DNAH7: variants seen among roughly 807,000 people sequenced by gnomAD.
DNAH7 encodes dynein axonemal heavy chain 7.
A neutral mutation model predicts 444.6 loss-of-function variants in DNAH7; 397 were observed. The observed-to-expected ratio is 0.89, with a 90% CI of 0.82 to 0.97. The LOEUF is 0.97. Ranked by LOEUF, DNAH7 falls within the 50% of genes least tolerant of loss-of-function variation. The pLI is 0.00. For missense variants in DNAH7, 4,902 were observed against 4,800.8 expected (o/e 1.02, Z -0.62); for synonymous variants, 1,636 against 1,624.4 (o/e 1.01, Z -0.17).
intron 5 of DNAH7, among the ~76,000 whole-genome samples, chr2:196,044,739 T>A (rs1052307041): frequency 6.6e-6 from 1 of 152,068 alleles, no homozygotes; most frequent in South Asian, 2.1e-4. Flanking sequence ...TTTATAGACA[T>A]GAATATCTGG....
At chr2:195,913,402 C>T (rs146656084) in intron 24 of DNAH7, among the ~76,000 whole-genome samples, 4 of 152,146 alleles carry the variant, frequency 2.6e-5, no homozygotes, top group African/African-American at 9.6e-5. Flanking sequence ...TATCATATCC[C>T]ACGTTATATC....
chr2:195,969,883 C>G, intron 17 of DNAH7, 65 bp downstream of exon 17: 1 of 1,512,696 alleles, frequency 6.6e-7, no homozygotes, highest in Non-Finnish European at 9.0e-7. Context: ...AGGTGAATAA[C>G]TAAAACGAAT....
At chr2:195,849,542 T>C (rs2125028129) in intron 46 of DNAH7, among the ~76,000 whole-genome samples, 1 of 152,304 alleles carries the variant, frequency 6.6e-6, no homozygotes, top group East Asian at 1.9e-4. Flanking sequence ...GAGGGACAGA[T>C]AGCATTTCCA....
intron 19 of DNAH7, 85 bp downstream of exon 19, chr2:195,957,176 C>T (rs768176423): frequency 2.9e-5 from 34 of 1,177,336 alleles, no homozygotes; most frequent in Non-Finnish European, 3.8e-5. Flanking sequence ...TTATTGGAAA[C>T]AATAATGGCT....
intron 29 of DNAH7, among the ~76,000 whole-genome samples, chr2:195,895,550 C>T (rs1213935595): frequency 1.3e-5 from 2 of 152,168 alleles, no homozygotes; most frequent in Admixed American, 1.3e-4. Flanking sequence ...AGCCATCCCC[C>T]ACGTCAGCCT....
At chr2:195,891,920 T>C in intron 30 of DNAH7, 116 bp from the exon 31 acceptor site, 1 of 805,370 alleles carries the variant, frequency 1.2e-6, no homozygotes, top group Non-Finnish European at 1.8e-6. Context: ...TTAGAAGTAG[T>C]GAATTTGACA....
chr2:195,853,625 T>C (rs963232721), intron 45 of DNAH7, 97 bp from the exon 46 acceptor site: 30 of 1,244,530 alleles, frequency 2.4e-5, no homozygotes, highest in Admixed American at 2.9e-5. Flanking sequence ...TTATTTTTAA[T>C]GACAGACTTC....
At chr2:195,867,499 T>TTCACAAAGTTGTGCAACCA (rs1700413327) in intron 40 of DNAH7, among the ~76,000 whole-genome samples, 1 of 152,144 alleles carries the variant, frequency 6.6e-6, no homozygotes, top group Non-Finnish European at 1.5e-5. Context: ...AATCAGAATA[T>TTCACAAAGTTGTGCAACCA]TCACAAAGTT....
rs1687049123 is a variant in DNAH7, at chr2:195,906,733, C to A, written c.4261G>T (p.Asp1421Tyr). Residue 1421 changes from aspartate (D) to tyrosine (Y), a missense_variant, in exon 27 of 65, where the codon GAC (aspartate) becomes TAC (tyrosine). Asp to Tyr is a radical substitution (Grantham distance 160, BLOSUM62 -3). Coordinates refer to ENST00000312428, the MANE Select transcript of DNAH7 (RefSeq NM_018897.3). ...GTTATAAAGACAGCACATGTGGGGT[C>A]AAGTTTTAGTTCAGTTCCTTCAAAC... ...LMFEGTELKL[D>Y]PTCAVFITMN... The A allele has an allele frequency of 6.2e-7, 1 of 1,613,468 alleles. No individual in the cohort carries two copies. Among genetic ancestry groups the A allele is most frequent in the African/African-American group, 1.3e-5 (1 of 74,984 alleles).
At chr2:196,029,057 A>T (rs1695869110) in intron 5 of DNAH7, among the ~76,000 whole-genome samples, 2 of 152,222 alleles carry the variant, frequency 1.3e-5, no homozygotes, top group Admixed American at 1.3e-4. Context: ...TAAGTGAGGG[A>T]ATGCAAGTAT....
Position 195,987,937 on chromosome 2 carries a change from A to G in DNAH7, c.1626+20T>C. On this transcript the variant is annotated intron_variant, in intron 13 of 64. Transcript: ENST00000312428. ...GATACCAGATAGAGATAACAGTTGC[A>G]CAAAACTGGAGTCATTTACCTTTAT... is the stretch of plus-strand genomic sequence containing the variant. The G allele has an allele frequency of 1.3e-6, 2 of 1,569,442 alleles. No individual in the cohort carries two copies. Among genetic ancestry groups the G allele is most frequent in the Non-Finnish European group, 1.7e-6 (2 of 1,156,564 alleles).
chr2:195,821,442 G>A (rs527693533), intron 49 of DNAH7, among the ~76,000 whole-genome samples: 9 of 152,286 alleles, frequency 5.9e-5, no homozygotes, highest in African/African-American at 1.7e-4. Flanking sequence ...GAAGAAAGAG[G>A]CTGACATATC....
intron 9 of DNAH7, among the ~76,000 whole-genome samples, chr2:196,015,781 G>A (rs1284844015): frequency 6.6e-6 from 1 of 152,184 alleles, no homozygotes; most frequent in Admixed American, 6.5e-5. Flanking sequence ...GAGATTCAGG[G>A]TAAATGACTG....
At chr2:195,955,980 T>C (rs961395204) in intron 19 of DNAH7, among the ~76,000 whole-genome samples, 8 of 152,122 alleles carry the variant, frequency 5.3e-5, no homozygotes, top group African/African-American at 1.9e-4. Flanking sequence ...TTAATTCCAG[T>C]GTGATTAATT....
Position 195,872,455 on chromosome 2 carries a change from T to C in DNAH7, c.6428A>G (p.Asp2143Gly). 1.3e-6 allele frequency: 2 copies of C among 1,588,336 alleles called. No individual in the cohort carries two copies. The highest frequency in any genetic ancestry group is 1.7e-6 in the Non-Finnish European group (2 of 1,167,808). Residue 2143 changes from aspartate (D) to glycine (G), a missense_variant, in exon 40 of 65, where the codon GAT becomes GGT. Transcript: ENST00000312428. ...WHLEICYKFP[D>G]EFLDLTTQIV... The stretch of plus-strand genomic sequence containing the variant: ...TTGTGTGGTCAAATCTAGAAATTCA[T>C]CTGGAAATTTATAACTTAAAAATTT...
intron 51 of DNAH7, among the ~76,000 whole-genome samples, chr2:195,810,553 G>C (rs762608132): frequency 1.3e-5 from 2 of 151,206 alleles, no homozygotes; most frequent in Admixed American, 1.3e-4. Flanking sequence ...CTGGGACTAC[G>C]GGCGTGCACC....
At chr2:196,001,220 C>T (rs556863987) in intron 11 of DNAH7, among the ~76,000 whole-genome samples, 1 of 152,286 alleles carries the variant, frequency 6.6e-6, no homozygotes, top group African/African-American at 2.4e-5. Flanking sequence ...GACCTCCTTC[C>T]AGAAACAGAA....
At chr2:195,788,854 C>T (rs1695744187) in intron 57 of DNAH7, among the ~76,000 whole-genome samples, 1 of 152,080 alleles carries the variant, frequency 6.6e-6, no homozygotes, top group African/African-American at 2.4e-5. Flanking sequence ...AACTTGTCTG[C>T]ATGTATGTGT....
Position 195,910,145 on chromosome 2 carries a change from G to T in DNAH7, c.3986C>A (p.Pro1329Gln), listed in dbSNP as rs1488008501. The change falls in exon 25 of 65, where the codon CCA becomes CAA. Residue 1329 changes from proline (P) to glutamine (Q), a missense_variant. Physicochemically the swap from Pro to Gln is moderately conservative, Grantham distance 76. Coordinates refer to ENST00000312428, the MANE Select transcript of DNAH7 (RefSeq NM_018897.3). ...AGTTTCAGTCTTCCCAGTGCCAGCT[G>T]GACCCTCAGGTGCTCCTCCAAGGTG... ...HLHLGGAPEG[P>Q]AGTGKTETTK... 2.5e-6 allele frequency: 4 copies of T among 1,613,404 alleles called. No homozygotes were observed. The Admixed American group carries it at 5.0e-5, about 20-fold the overall frequency.
Sources: allele counts gnomAD v4.1 joint callset (sites outside exome capture counted in the v4.1 genomes callset), GRCh38; gene constraint gnomAD v4.1.1; transcripts MANE v1.5; gene names NCBI Gene and HGNC (gene_info 2026-07-23, HGNC 2026-07-21).